The following ZNF385D variants were observed in gnomAD, a reference collection of about 807,000 sequenced individuals.
ZNF385D encodes zinc finger protein 659.
Under a neutral mutation model 35.8 loss-of-function variants are expected in ZNF385D, and 15 were observed. That is an observed-to-expected ratio of 0.42 (90% CI 0.28 to 0.64). The LOEUF is 0.64. ZNF385D is among the 30% of genes least tolerant of loss of function. The pLI is 0.23. For missense variants in ZNF385D, 474 were observed against 494.6 expected (o/e 0.96, Z 0.39); for synonymous variants, 212 against 186.8 (o/e 1.13, Z -1.10).
chr3:21,792,183 A>G (rs2071958128), intron 3 of ZNF385D, among the ~76,000 whole-genome samples: 1 of 152,174 alleles, frequency 6.6e-6, no homozygotes, highest in Non-Finnish European at 1.5e-5. Context: ...ATATCTATAA[A>G]TGAAGTGATG....
At chr3:21,497,383 A>G (rs1001322162) in intron 4 of ZNF385D, among the ~76,000 whole-genome samples, 1 of 152,204 alleles carries the variant, frequency 6.6e-6, no homozygotes, top group African/African-American at 2.4e-5. Flanking sequence ...ACACTGTGCA[A>G]ATAAAATATA....
intron 4 of ZNF385D, among the ~76,000 whole-genome samples, chr3:21,461,252 T>C (rs1703152937): frequency 6.6e-6 from 1 of 152,182 alleles, no homozygotes; most frequent in Admixed American, 6.5e-5. Context: ...ATTTTTTATA[T>C]TTAAAACTCC....
chr3:21,988,806 C>G (rs1473893073), intron 3 of ZNF385D, among the ~76,000 whole-genome samples: 1 of 152,126 alleles, frequency 6.6e-6, no homozygotes. Flanking sequence ...GACTGCTGTG[C>G]TAGCAATCAG....
At chr3:21,689,886 C>CAAAAAAA (rs5847127) in intron 1 of ZNF385D, among the ~76,000 whole-genome samples, 1 of 143,744 alleles carries the variant, frequency 7.0e-6, no homozygotes, top group Non-Finnish European at 1.5e-5. Flanking sequence ...CGAAAAATTG[C>CAAAAAAA]AAAAAAAAAA....
rs191980181 is a variant in ZNF385D at position 22,111,615 on chromosome 3, T to C, written c.325+57202A>G. On this transcript the variant is annotated intron_variant, in intron 3 of 5. Coordinates refer to the ZNF385D transcript ENST00000494108. ...TCAACCATTGCTGATTCCCTATATA[T>C]TTCCTTTCACTGACTTAGTGAATTG... Among the ~76,000 whole-genome samples the C allele has an allele frequency of 7.4e-3, 1,127 of 152,278 alleles. 17 individuals are homozygous for C. The highest frequency in any genetic ancestry group is 0.025 in the African/African-American group (1,029 of 41,576).
intron 3 of ZNF385D, among the ~76,000 whole-genome samples, chr3:21,899,692 T>C (rs1329117555): frequency 6.6e-6 from 1 of 152,126 alleles, no homozygotes; most frequent in East Asian, 1.9e-4. Flanking sequence ...ATATTAAAGG[T>C]TTACTGCTTT....
chr3:21,713,271 T>G (rs66945728), intron 1 of ZNF385D, among the ~76,000 whole-genome samples: 45,838 of 152,120 alleles, frequency 0.3, 7,371 homozygotes, highest in South Asian at 0.44. Context: ...ACTGCCCATC[T>G]GCAGACCTGC....
At chr3:21,515,443 T>C (rs1295581267) in intron 3 of ZNF385D, among the ~76,000 whole-genome samples, 2 of 152,318 alleles carry the variant, frequency 1.3e-5, no homozygotes, top group African/African-American at 2.4e-5. Context: ...AAGAACAAGG[T>C]AGCCTTTTTA....
chr3:22,103,778 T>TA (rs1409997648), intron 3 of ZNF385D, among the ~76,000 whole-genome samples: 2 of 152,038 alleles, frequency 1.3e-5, no homozygotes, highest in Non-Finnish European at 2.9e-5. Context: ...CCCAGTCCTC[T>TA]AATGGCCCAG....
At chr3:22,327,194 TG>T (rs1167507868) in intron 2 of ZNF385D, among the ~76,000 whole-genome samples, 3 of 152,174 alleles carry the variant, frequency 2.0e-5, no homozygotes, top group Non-Finnish European at 4.4e-5. Context: ...TAATTGAGGA[TG>T]GGCCATAAAA....
chr3:22,103,869 T>A (rs540611139), intron 3 of ZNF385D, among the ~76,000 whole-genome samples: 13 of 152,148 alleles, frequency 8.5e-5, no homozygotes, highest in Admixed American at 5.9e-4. Flanking sequence ...CTTGAGAAAA[T>A]ACTAATATCC....
chr3:21,779,357 G>A (rs1328395022), intron 3 of ZNF385D, among the ~76,000 whole-genome samples: 1 of 110,786 alleles, frequency 9.0e-6, no homozygotes, highest in African/African-American at 3.1e-5. Context: ...AATAGCCCAT[G>A]TGGAAAGATA....
chr3:21,638,105 A>G lies in ZNF385D; in HGVS notation c.165+26781T>C, dbSNP rs954818955. ...ACATATTAGCAGAGAAACTTTAGCC[A>G]GCATTTTTCCTAAACATACCAACAA... is the stretch of plus-strand genomic sequence containing the variant. On this transcript the variant is annotated intron_variant, in intron 2 of 7. Coordinates refer to ENST00000281523, the MANE Select transcript of ZNF385D (RefSeq NM_024697.3). Among the ~76,000 whole-genome samples the G allele has an allele frequency of 7.9e-5, 12 of 152,248 alleles. No homozygotes were observed. The East Asian group carries it at 2.3e-3, about 29-fold the overall frequency.
intron 3 of ZNF385D, among the ~76,000 whole-genome samples, chr3:21,861,272 C>T (rs902632867): frequency 6.6e-6 from 1 of 152,054 alleles, no homozygotes; most frequent in Non-Finnish European, 1.5e-5. Context: ...ATACAGTCTG[C>T]CACTATAAAC....
chr3:21,471,872 T>C (rs543677207), intron 4 of ZNF385D, among the ~76,000 whole-genome samples: 5 of 151,776 alleles, frequency 3.3e-5, no homozygotes, highest in Non-Finnish European at 2.9e-5. Flanking sequence ...TTTATCTTCA[T>C]TGGAAGAAAA....
At chr3:21,531,959 TG>T (rs2061933133) in intron 3 of ZNF385D, among the ~76,000 whole-genome samples, 1 of 152,122 alleles carries the variant, frequency 6.6e-6, no homozygotes, top group Non-Finnish European at 1.5e-5. Context: ...AGGGGAATAT[TG>T]ATAATGGGTA....
chr3:22,169,011 T>A (rs1475096444), exon 3 of ZNF385D: 1 of 985,730 alleles, frequency 1.0e-6, no homozygotes, highest in African/African-American at 1.7e-5. Context: ...AGCCTCACTC[T>A]CGCCATCGTG....
intron 3 of ZNF385D, among the ~76,000 whole-genome samples, chr3:21,794,838 C>G (rs1243729300): frequency 6.6e-6 from 1 of 152,216 alleles, no homozygotes; most frequent in Non-Finnish European, 1.5e-5. Flanking sequence ...GTGTGACCTC[C>G]TGTTCTACAG....
chr3:21,898,469 T>C (rs1699246637), intron 3 of ZNF385D, among the ~76,000 whole-genome samples: 1 of 152,170 alleles, frequency 6.6e-6, no homozygotes. Flanking sequence ...TCCAGATTTT[T>C]TTCTATGTAT....
Sources: allele counts gnomAD v4.1 joint callset (sites outside exome capture counted in the v4.1 genomes callset), GRCh38; gene constraint gnomAD v4.1.1; transcripts MANE v1.5; gene names NCBI Gene and HGNC (gene_info 2026-07-23, HGNC 2026-07-21).